RBFOX1: variants seen among roughly 807,000 people sequenced by gnomAD.
RBFOX1 encodes RNA binding fox-1 homolog 1.
RBFOX1 carries 8 observed loss-of-function variants against 57.7 expected under a neutral mutation model. The ratio of observed to expected loss-of-function variants is 0.14; its 90% CI spans 0.08 to 0.25. RBFOX1 has a LOEUF of 0.25. RBFOX1 is among the 10% of genes least tolerant of loss of function. RBFOX1 has a pLI of 1.00. For missense variants in RBFOX1, 611 were observed against 548.5 expected, an observed-to-expected ratio of 1.11 and a Z score of -1.14; for synonymous variants, 326 against 222.4, an observed-to-expected ratio of 1.47 and a Z score of -4.15.
chr16:6,330,114 AG>A lies in RBFOX1; in HGVS notation c.-64+13058del, dbSNP rs2082837407. ...ACACTGTACAATAATGTATGTCTGT[AG>A]TTTAATACTACATATCTGTAGTTTA... is the stretch of plus-strand genomic sequence containing the variant. On this transcript the variant is annotated intron_variant, in intron 2 of 15. Transcript: ENST00000550418. Among the ~76,000 whole-genome samples the A allele has an allele frequency of 1.3e-5, 2 of 152,196 alleles. 1 individual carries two copies. Among genetic ancestry groups the A allele is most frequent in the South Asian group, 4.1e-4 (2 of 4,826 alleles).
chr16:5,297,798 G>C (rs2063705036), intron 1 of RBFOX1, among the ~76,000 whole-genome samples: 1 of 152,168 alleles, frequency 6.6e-6, no homozygotes, highest in Non-Finnish European at 1.5e-5. Context: ...CTGATTTTGG[G>C]CGCTACACCG....
chr16:5,591,274 G>A lies in RBFOX1; in HGVS notation c.259-7628G>A, dbSNP rs1010140672. ...AACCTTTTTTTTTTTTTTTTGAGAC[G>A]GAGTTTCTCTTTTGTTACCCAGGCT... On this transcript the variant is annotated intron_variant, in intron 2 of 2. Coordinates refer to the RBFOX1 transcript ENST00000585867. Among the ~76,000 whole-genome samples the A allele has an allele frequency of 4.8e-5, 7 of 145,276 alleles. 1 individual carries two copies. The South Asian group carries it at 6.4e-4, about 13-fold the overall frequency.
chr16:7,442,594 G>T (rs988675045), intron 4 of RBFOX1, among the ~76,000 whole-genome samples: 1 of 152,120 alleles, frequency 6.6e-6, no homozygotes, highest in African/African-American at 2.4e-5. Context: ...ACTAGCTTCA[G>T]GCCTAAACAG....
At chr16:6,798,241 C>A (rs1184241218) in intron 3 of RBFOX1, among the ~76,000 whole-genome samples, 1 of 151,994 alleles carries the variant, frequency 6.6e-6, no homozygotes, top group Non-Finnish European at 1.5e-5. Context: ...GATACTAGTC[C>A]CAGAGAAGAG....
chr16:6,649,765 A>G (rs903981604), intron 2 of RBFOX1, among the ~76,000 whole-genome samples: 3 of 152,214 alleles, frequency 2.0e-5, no homozygotes, highest in African/African-American at 2.4e-5. Flanking sequence ...ATATGTATAT[A>G]TAAGATGTAG....
rs146057140 is a variant in RBFOX1, at chr16:5,619,469, C to G, written c.318+20508C>G. Among the ~76,000 whole-genome samples the G allele has an allele frequency of 6.2e-3, 951 of 152,236 alleles. 6 individuals are homozygous for G. Among genetic ancestry groups the G allele is most frequent in the Admixed American group, 0.012 (184 of 15,296 alleles). ...ATGACCTCATCTCTCGCCCCAACCC[C>G]GAGACTTCACTCACAATCCAGGTTG... On this transcript the variant is annotated intron_variant, in intron 3 of 19. Coordinates refer to the RBFOX1 transcript ENST00000641259.
rs574231282 is a variant in RBFOX1 at position 5,526,424 on chromosome 16, G to T, written c.258+59170G>T. ...ATGCTTCAGCCTCCCAAGTAGCTGG[G>T]ATTACAGCTGTGTGCCACCATGTCC... On this transcript the variant is annotated intron_variant, in intron 2 of 2. Transcript: ENST00000585867. Among the ~76,000 whole-genome samples, 143 of 152,260 alleles carry T rather than the reference G, an allele frequency of 9.4e-4. 1 individual carries two copies. The Middle Eastern group carries it at 0.014, about 14-fold the overall frequency.
At chr16:6,008,143 T>A (rs1190592587) in intron 4 of RBFOX1, among the ~76,000 whole-genome samples, 1 of 151,978 alleles carries the variant, frequency 6.6e-6, no homozygotes, top group African/African-American at 2.4e-5. Flanking sequence ...AGGCAGAGGT[T>A]GCAGTGAGTC....
At chr16:5,935,375 G>T (rs978281792) in intron 4 of RBFOX1, among the ~76,000 whole-genome samples, 2 of 152,190 alleles carry the variant, frequency 1.3e-5, no homozygotes, top group African/African-American at 4.8e-5. Flanking sequence ...GAGGACCATG[G>T]CCAGGAGCCT....
At chr16:7,199,590 G>A (rs1315502593) in intron 4 of RBFOX1, among the ~76,000 whole-genome samples, 1 of 152,116 alleles carries the variant, frequency 6.6e-6, no homozygotes, top group African/African-American at 2.4e-5. Flanking sequence ...ATCAGGGCTG[G>A]GATGAAATTA....
chr16:6,508,683 C>G (rs933670658), intron 2 of RBFOX1, among the ~76,000 whole-genome samples: 1 of 152,076 alleles, frequency 6.6e-6, no homozygotes, highest in African/African-American at 2.4e-5. Flanking sequence ...CAAGGTCATT[C>G]CATCCTTTGC....
At chr16:5,990,888 C>G (rs577213471) in intron 4 of RBFOX1, among the ~76,000 whole-genome samples, 60 of 152,218 alleles carry the variant, frequency 3.9e-4, no homozygotes, top group African/African-American at 1.3e-3. Flanking sequence ...GCAGGAGACT[C>G]GCTTGAACCT....
rs1344158715 is a variant in RBFOX1 at position 5,473,644 on chromosome 16, T to C, written c.258+6390T>C. ...ATGGAAGGATAGATGTAAGGGTGGG[T>C]GGGTGGATGGACAGAAGGAAGGAAG... On this transcript the variant is annotated intron_variant, in intron 2 of 2. Coordinates refer to the RBFOX1 transcript ENST00000585867. 4.1e-5 allele frequency among the ~76,000 whole-genome samples: 5 copies of C among 120,706 alleles called. No individual in the cohort carries two copies. The East Asian group carries it at 1.3e-3, about 31-fold the overall frequency. The allele number at this position is 120,706 out of a possible 152,430, so 79.2% of individuals were successfully genotyped here.
chr16:6,791,648 A>G (rs1333653038), intron 3 of RBFOX1, among the ~76,000 whole-genome samples: 3 of 152,130 alleles, frequency 2.0e-5, no homozygotes, highest in Non-Finnish European at 4.4e-5. Flanking sequence ...AGTCCCAGCT[A>G]CTCGGGAGGC....
At chr16:7,241,918 C>G (rs573411606) in intron 4 of RBFOX1, among the ~76,000 whole-genome samples, 5 of 152,020 alleles carry the variant, frequency 3.3e-5, no homozygotes, top group African/African-American at 9.6e-5. Flanking sequence ...TACATGAGTG[C>G]ATATATACCT....
At chr16:7,273,518 A>G (rs1173721378) in intron 4 of RBFOX1, among the ~76,000 whole-genome samples, 1 of 152,142 alleles carries the variant, frequency 6.6e-6, no homozygotes, top group African/African-American at 2.4e-5. Flanking sequence ...GCTTTAGCAT[A>G]TATAAGCTCA....
At chr16:5,771,487 C>T (rs60079345) in intron 3 of RBFOX1, among the ~76,000 whole-genome samples, 24,082 of 152,196 alleles carry the variant, frequency 0.16, 2,419 homozygotes, top group African/African-American at 0.28. Flanking sequence ...CAGTTCATTG[C>T]AGCTTCTGCC....
At chr16:7,121,448 A>T (rs2067163754) in intron 4 of RBFOX1, among the ~76,000 whole-genome samples, 1 of 152,148 alleles carries the variant, frequency 6.6e-6, no homozygotes, top group Non-Finnish European at 1.5e-5. Flanking sequence ...GGAAGTCAAA[A>T]CTTAAAAACA....
Position 7,567,140 on chromosome 16 carries a change from C to CATATATATATCCCTATATATATATCCAT in RBFOX1, c.271-12629_271-12628insATCCCTATATATATATCCATATATATAT, listed in dbSNP as rs369922520. ...ATATATCTCCCTATATATGTATATC[C>CATATATATATCCCTATATATATATCCAT]ATATATATCCCTATATATATATCCA... On this transcript the variant is annotated intron_variant, in intron 5 of 15. Coordinates refer to ENST00000550418, the MANE Select transcript of RBFOX1 (RefSeq NM_018723.4). Among the ~76,000 whole-genome samples, 170 of 57,650 alleles carry CATATATATATCCCTATATATATATCCAT rather than the reference C, an allele frequency of 2.9e-3. 2 individuals are homozygous for CATATATATATCCCTATATATATATCCAT. The highest frequency in any genetic ancestry group is 0.019 in the Middle Eastern group (1 of 54). 37.8% of individuals were successfully genotyped at this position (57,650 alleles called of 152,430 possible).
Sources: gnomAD v4.1 joint callset for allele counts (sites outside exome capture counted in the v4.1 genomes callset) on GRCh38, gnomAD v4.1.1 for gene constraint, MANE v1.5 for transcripts, NCBI Gene and HGNC (gene_info 2026-07-23, HGNC 2026-07-21) for gene names.